SERF1A: variants seen among roughly 807,000 people sequenced by gnomAD.
The protein encoded by SERF1A is small EDRK-rich factor 1.
chr5:70,917,340 A>AAT, exon 3 of SERF1A: 1 of 85,990 alleles, frequency 1.2e-5, no homozygotes, highest in Non-Finnish European at 1.7e-5. Context: ...GTAACTTAGC[A>AAT]CTTTTTTTTT....
chr5:70,913,369 A>C (rs1580878553), intron 2 of SERF1A, among the ~76,000 whole-genome samples: 3 of 73,008 alleles, frequency 4.1e-5, no homozygotes, highest in African/African-American at 9.9e-5. Flanking sequence ...ACAGAACAAG[A>C]CTCTGTCTCA....
intron 2 of SERF1A, among the ~76,000 whole-genome samples, chr5:70,913,458 G>A (rs1265534494): frequency 8.4e-6 from 1 of 119,194 alleles, no homozygotes; most frequent in Non-Finnish European, 1.8e-5. Flanking sequence ...ACTTGGACAA[G>A]ACTGCTTGCT....
At chr5:70,912,012 T>TAC (rs1203956669), downstream of SERF1A, among the ~76,000 whole-genome samples, 171 of 22,858 alleles carry the variant, frequency 7.5e-3, 30 homozygotes, top group Middle Eastern at 0.028. Context: ...TCTCAAAACA[T>TAC]ACACACACAC....
chr5:70,913,083 A>G (rs1448398880), downstream of SERF1A, among the ~76,000 whole-genome samples: 3 of 134,850 alleles, frequency 2.2e-5, no homozygotes, highest in African/African-American at 5.2e-5. Context: ...ATAAATAAAT[A>G]AAAAACAAGG....
intron 2 of SERF1A, among the ~76,000 whole-genome samples, chr5:70,903,966 GTC>G (rs1384651851): frequency 1.4e-4 from 2 of 14,026 alleles, no homozygotes; most frequent in Non-Finnish European, 2.5e-4. Flanking sequence ...GCGAGACTCC[GTC>G]TCAAAAAAAA....
downstream of SERF1A, among the ~76,000 whole-genome samples, chr5:70,912,057 A>ACACTCTCTCTCTCTCTCT (rs1184160284): frequency 5.4e-5 from 1 of 18,602 alleles, no homozygotes; most frequent in Non-Finnish European, 1.1e-4. Flanking sequence ...ACACACACAC[A>ACACTCTCTCTCTCTCTCT]CTCTCTCTCT....
chr5:70,913,378 C>CAA (rs878903389), intron 2 of SERF1A, among the ~76,000 whole-genome samples: 1,422 of 58,506 alleles, frequency 0.024, 39 homozygotes, highest in Non-Finnish European at 0.031. Flanking sequence ...GACTCTGTCT[C>CAA]AAAAAAAAAA....
downstream of SERF1A, among the ~76,000 whole-genome samples, chr5:70,909,374 CG>C (rs564249228): frequency 4.2e-3 from 636 of 151,236 alleles, no homozygotes; most frequent in African/African-American, 0.015. Flanking sequence ...CCATCCCACC[CG>C]GCTGAAGTTT....
At chr5:70,913,088 A>C (rs1749150077), downstream of SERF1A, among the ~76,000 whole-genome samples, 1 of 136,502 alleles carries the variant, frequency 7.3e-6, no homozygotes, top group African/African-American at 2.6e-5. Flanking sequence ...TAAATAAAAA[A>C]CAAGGCCGGG....
At chr5:70,912,055 A>ACTCTCTCT (rs1373795637), downstream of SERF1A, among the ~76,000 whole-genome samples, 1 of 30,394 alleles carries the variant, frequency 3.3e-5, no homozygotes, top group African/African-American at 1.2e-4. Flanking sequence ...ACACACACAC[A>ACTCTCTCT]CACTCTCTCT....
intron 2 of SERF1A, among the ~76,000 whole-genome samples, chr5:70,913,443 T>C (rs1749166457): frequency 7.6e-6 from 1 of 130,896 alleles, no homozygotes; most frequent in Admixed American, 8.4e-5. Context: ...TCTTGCTGTT[T>C]TACCACTTGG....
chr5:70,913,378 CA>C (rs878903389), intron 2 of SERF1A, among the ~76,000 whole-genome samples: 33 of 59,118 alleles, frequency 5.6e-4, no homozygotes, highest in Middle Eastern at 0.029. Context: ...GACTCTGTCT[CA>C]AAAAAAAAAA....
In SERF1A at chr5:70,904,881, T is replaced by A. The variant is rs1428187387; in HGVS notation, c.117-2853T>A. 2.5e-4 allele frequency among the ~76,000 whole-genome samples: 15 copies of A among 60,720 alleles called. 4 individuals carry two copies. Among genetic ancestry groups the A allele is most frequent in the African/African-American group, 9.6e-4 (15 of 15,702 alleles). 39.8% of individuals were successfully genotyped at this position (60,720 alleles called of 152,430 possible). On this transcript the variant is annotated intron_variant, in intron 2 of 2. Transcript: ENST00000317633. Reference sequence around the variant, plus strand: ...TATACCTTTTTTTTTTTTTTTTGAATTTTTTTTTTATTATTACGCTTTAAG... The same window carrying A: ...TATACCTTTTTTTTTTTTTTTTGAAATTTTTTTTTATTATTACGCTTTAAG...
At chr5:70,909,420 A>AT (rs1207354639), downstream of SERF1A, among the ~76,000 whole-genome samples, 2 of 151,412 alleles carry the variant, frequency 1.3e-5, no homozygotes, top group Non-Finnish European at 3.0e-5. Context: ...ATTAGCCTAG[A>AT]TTTTTCATTA....
chr5:70,913,400 A>AAC (rs1491351734), intron 2 of SERF1A, among the ~76,000 whole-genome samples: 28 of 139,780 alleles, frequency 2.0e-4, no homozygotes, highest in African/African-American at 7.5e-4. Flanking sequence ...AAAAAAAAAA[A>AAC]CATACAAACC....
In SERF1A at chr5:70,904,623, G is replaced by A. The variant is rs1749035745; in HGVS notation, c.116+2690G>A. 4.2e-5 allele frequency among the ~76,000 whole-genome samples: 2 copies of A among 48,054 alleles called. 1 individual carries two copies. Among genetic ancestry groups the A allele is most frequent in the African/African-American group, 1.4e-4 (2 of 14,680 alleles). The allele number at this position is 48,054 out of a possible 152,430, so 31.5% of individuals were successfully genotyped here. ...GCTGGAGTGCAGTGGCGTGATCTCG[G>A]CTCACTGCAACCTCCACCTCCTGGG... is the stretch of plus-strand genomic sequence containing the variant. On this transcript the variant is annotated intron_variant, in intron 2 of 2. Coordinates refer to ENST00000317633, the MANE Select transcript of SERF1A (RefSeq NM_022968.2).
chr5:70,904,898 C>T (rs1286785290), intron 2 of SERF1A, among the ~76,000 whole-genome samples: 1 of 43,482 alleles, frequency 2.3e-5, no homozygotes, highest in Non-Finnish European at 4.3e-5. Context: ...TTTATTATTA[C>T]GCTTTAAGTT....
chr5:70,913,097 G>A (rs55710703), downstream of SERF1A, among the ~76,000 whole-genome samples: 21,363 of 139,242 alleles, frequency 0.15, 2,391 homozygotes, highest in Admixed American at 0.21. Flanking sequence ...AACAAGGCCG[G>A]GCATGGTGGC....
chr5:70,912,051 ACACACACTCTCT>A (rs1749131136), downstream of SERF1A, among the ~76,000 whole-genome samples: 1 of 43,160 alleles, frequency 2.3e-5, no homozygotes, highest in Non-Finnish European at 4.1e-5. Flanking sequence ...ACACACACAC[ACACACACTCTCT>A]CTCTCTCTCT....
Sources: gnomAD v4.1 joint callset for allele counts (sites outside exome capture counted in the v4.1 genomes callset) on GRCh38, gnomAD v4.1.1 for gene constraint, MANE v1.5 for transcripts, NCBI Gene and HGNC (gene_info 2026-07-23, HGNC 2026-07-21) for gene names.